Variants in VCL observed in about 807,000 individuals in gnomAD.
VCL encodes epididymis luminal protein 114.
VCL carries 47 observed loss-of-function variants against 125.7 expected under a neutral mutation model. The ratio of observed to expected loss-of-function variants is 0.37; its 90% CI spans 0.30 to 0.48. VCL has a LOEUF of 0.48. VCL is among the 20% of genes least tolerant of loss of function. VCL has a pLI of 0.99. For synonymous variants in VCL, 458 were observed against 514.6 expected (o/e 0.89, Z 1.49); for missense variants, 1,069 against 1,455.5 (o/e 0.73, Z 4.32).
chr10:74,066,047 G>GTATATATA (rs143197525), intron 2 of VCL, among the ~76,000 whole-genome samples: 56 of 133,248 alleles, frequency 4.2e-4, no homozygotes, highest in African/African-American at 1.5e-3. Context: ...ATCAATTTTG[G>GTATATATA]TATATATATA....
At chr10:74,004,568 C>T (rs934477550) in intron 1 of VCL, among the ~76,000 whole-genome samples, 3 of 152,132 alleles carry the variant, frequency 2.0e-5, no homozygotes, top group African/African-American at 7.2e-5. Context: ...ATAGAGGTTC[C>T]ATTTGTCCTG....
intron 2 of VCL, among the ~76,000 whole-genome samples, chr10:74,064,709 C>CAAAGACACTTTTAAGTGTCA (rs532543860): frequency 1.3e-5 from 2 of 152,136 alleles, no homozygotes; most frequent in African/African-American, 2.4e-5. Flanking sequence ...TGCCTGTCCA[C>CAAAGACACTTTTAAGTGTCA]AAAGACACTT....
At chr10:74,009,139 G>C (rs1651640703) in intron 1 of VCL, among the ~76,000 whole-genome samples, 1 of 141,720 alleles carries the variant, frequency 7.1e-6, no homozygotes, top group African/African-American at 2.7e-5. Flanking sequence ...TAGAAGTCTT[G>C]CAGTATATGT....
At chr10:74,113,230 AGAG>A (rs1190862144) in intron 19 of VCL, among the ~76,000 whole-genome samples, 1 of 152,350 alleles carries the variant, frequency 6.6e-6, no homozygotes, top group African/African-American at 2.4e-5. Context: ...AGCAGCCAAA[AGAG>A]GAGCTTTCAT....
intron 1 of VCL, among the ~76,000 whole-genome samples, chr10:74,025,144 C>G (rs936635049): frequency 3.3e-5 from 5 of 152,172 alleles, no homozygotes; most frequent in Admixed American, 6.6e-5. Context: ...AGCCTCCCAA[C>G]TAGCTGGGAT....
chr10:74,029,482 A>G (rs1402930849), intron 1 of VCL, among the ~76,000 whole-genome samples: 1 of 152,176 alleles, frequency 6.6e-6, no homozygotes, highest in Non-Finnish European at 1.5e-5. Flanking sequence ...GTATCTTCAT[A>G]AATGGGGATC....
intron 18 of VCL, among the ~76,000 whole-genome samples, chr10:74,110,498 C>T (rs1253386548): frequency 1.3e-5 from 2 of 152,162 alleles, no homozygotes; most frequent in East Asian, 1.9e-4. Context: ...GGAGGAATAT[C>T]TGTTCGTGTG....
intron 6 of VCL, chr10:74,075,476 AC>A (rs1484927921): frequency 6.5e-6 from 1 of 154,178 alleles, no homozygotes; most frequent in Non-Finnish European, 1.4e-5. Flanking sequence ...CTCTTTTAGG[AC>A]CCCAGAGGGG....
intron 1 of VCL, among the ~76,000 whole-genome samples, chr10:74,037,938 G>A (rs1049290021): frequency 6.6e-6 from 1 of 151,872 alleles, no homozygotes; most frequent in Admixed American, 6.6e-5. Context: ...TGAAATAAAG[G>A]TAAAAATTCA....
intron 10 of VCL, among the ~76,000 whole-genome samples, chr10:74,091,157 T>C (rs556364562): frequency 1.3e-5 from 2 of 152,298 alleles, no homozygotes; most frequent in Non-Finnish European, 2.9e-5. Flanking sequence ...CTGCAGCACA[T>C]GCTAAAATAA....
chr10:74,113,928 C>G (rs1840269946), intron 19 of VCL, among the ~76,000 whole-genome samples: 1 of 152,116 alleles, frequency 6.6e-6, no homozygotes, highest in Non-Finnish European at 1.5e-5. Flanking sequence ...AAATGTCTCT[C>G]TCCCTCTCCT....
chr10:74,093,080 C>T (rs1249497357), intron 10 of VCL, among the ~76,000 whole-genome samples: 1 of 152,034 alleles, frequency 6.6e-6, no homozygotes, highest in East Asian at 1.9e-4. Flanking sequence ...GCACATCACC[C>T]GAGGTCAGGA....
At chr10:74,053,139 A>T (rs1037117829) in intron 2 of VCL, among the ~76,000 whole-genome samples, 2 of 152,064 alleles carry the variant, frequency 1.3e-5, no homozygotes, top group African/African-American at 4.8e-5. Flanking sequence ...GTTATGTAAG[A>T]TAAAGATTAT....
At chr10:74,120,895 C>T (rs78354727), downstream of VCL, 1 of 152,158 alleles carries the variant, frequency 6.6e-6, no homozygotes, top group African/African-American at 2.4e-5. Context: ...GGCTATAAAA[C>T]AGAGTTAGCT....
At chr10:74,062,367 A>ATTTTT (rs34306365) in intron 2 of VCL, among the ~76,000 whole-genome samples, 6 of 113,944 alleles carry the variant, frequency 5.3e-5, no homozygotes, top group Non-Finnish European at 3.5e-5. Context: ...GCCTGGCCTG[A>ATTTTT]TTTTTTTTTT....
At chr10:73,998,974 ACT>A (rs1266233637) in intron 1 of VCL, among the ~76,000 whole-genome samples, 2 of 143,208 alleles carry the variant, frequency 1.4e-5, no homozygotes, top group Admixed American at 7.0e-5. Flanking sequence ...CACTTGCCTC[ACT>A]CTCTGTCGCC....
At position 74,097,779 on chromosome 10, in the gene VCL, A is replaced by C. The variant is rs1564530598; in HGVS notation, c.1872+447A>C. ...CGAGTCAGGATGATCTTTTTAAATC[A>C]ATCGATGTCATTCTTATACTCAGAC... On this transcript the variant is annotated intron_variant, in intron 13 of 21. Coordinates refer to ENST00000211998, the MANE Select transcript of VCL (RefSeq NM_014000.3). The surrounding 1 kb of genome is among the most constrained non-coding windows in gnomAD (Gnocchi z 4.1). Among the ~76,000 whole-genome samples the C allele has an allele frequency of 6.6e-6, 1 of 152,166 alleles. No individual in the cohort carries two copies. Among genetic ancestry groups the C allele is most frequent in the Non-Finnish European group, 1.5e-5 (1 of 68,032 alleles).
chr10:73,998,202 G>A lies in VCL; in HGVS notation c.-6G>A. On this transcript the variant is annotated 5_prime_UTR_variant, in exon 1 of 22. Transcript: ENST00000211998. Reference sequence around the variant, plus strand: ...CCCGCGGTTCGCCGCCCCGCTCGCCGCCGCGATGCCAGTGTTTCATACGCG... The same window carrying A: ...CCCGCGGTTCGCCGCCCCGCTCGCCACCGCGATGCCAGTGTTTCATACGCG... 1.9e-6 allele frequency: 3 copies of A among 1,611,360 alleles called. No homozygotes were observed. The highest frequency in any genetic ancestry group is 2.5e-6 in the Non-Finnish European group (3 of 1,178,888).
Position 74,099,648 on chromosome 10 carries a change from A to G in VCL, c.1873-1300A>G, listed in dbSNP as rs141126547. 3.6e-4 allele frequency among the ~76,000 whole-genome samples: 55 copies of G among 152,316 alleles called. 1 individual carries two copies. The highest frequency in any genetic ancestry group is 1.3e-3 in the African/African-American group (52 of 41,580). On this transcript the variant is annotated intron_variant, in intron 13 of 21. Transcript: ENST00000211998. ...GTAAATTTTGGTTGAGTGACGAGAA[A>G]AGCAAGTTAAGCAGTTAGTTAAATC...
Sources: gnomAD v4.1 joint callset for allele counts (sites outside exome capture counted in the v4.1 genomes callset) on GRCh38, gnomAD v4.1.1 for gene constraint, Gnocchi (gnomAD v3.1) non-coding constraint, MANE v1.5 for transcripts, NCBI Gene and HGNC (gene_info 2026-07-23, HGNC 2026-07-21) for gene names.